Variants in DNAH6 observed in about 807,000 individuals in gnomAD.
DNAH6 encodes the protein dynein axonemal heavy chain 6, also known as axonemal beta dynein heavy chain 6.
Under a neutral mutation model 491.4 loss-of-function variants are expected in DNAH6, and 340 were observed. That is an observed-to-expected ratio of 0.69 (90% confidence interval 0.63 to 0.76). The LOEUF is 0.76. Among genes scored for constraint, DNAH6 ranks in the 30% least tolerant of loss-of-function variants. DNAH6 has a pLI of 0.00. For missense variants in DNAH6, 4,443 were observed against 4,972.2 expected, an observed-to-expected ratio of 0.89 and a Z score of 3.20; for synonymous variants, 1,603 against 1,686.1, an observed-to-expected ratio of 0.95 and a Z score of 1.21.
chr2:84,527,196 A>G (rs1342672673), intron 3 of DNAH6, among the ~76,000 whole-genome samples: 3 of 152,158 alleles, frequency 2.0e-5, no homozygotes, highest in Admixed American at 2.0e-4. Flanking sequence ...TCTGTTAATT[A>G]AGGAAGAAAT....
the DNAH6 span, among the ~76,000 whole-genome samples, chr2:84,505,060 G>A: frequency 8.5e-5 from 13 of 152,126 alleles, no homozygotes; most frequent in Non-Finnish European, 2.9e-5. Context: ...TTCAGCATGA[G>A]TCTTGCATGT....
At chr2:84,665,092 T>G (rs951554598) in intron 37 of DNAH6, among the ~76,000 whole-genome samples, 2 of 151,904 alleles carry the variant, frequency 1.3e-5, no homozygotes, top group African/African-American at 4.8e-5. Flanking sequence ...GGGACACATT[T>G]AAAGCAGTGT....
rs1294405239 is a variant in DNAH6 at position 84,812,521 on chromosome 2, G to T, written c.11920G>T (p.Val3974Leu). 3.2e-6 allele frequency: 5 copies of T among 1,546,424 alleles called. No individual in the cohort carries two copies. In the South Asian group the frequency reaches 6.1e-5, roughly 19 times the overall value. ...VKDLILRTSFVDLWLKRGQPK... is the reference protein window; with the variant it reads ...VKDLILRTSFLDLWLKRGQPK... ...AGACCTTATCCTGAGGACCTCATTT[G>T]TGGATGTAAGAAAATTCCTTTCACT... The change falls in exon 73 of 77, where the codon GTG becomes TTG. Residue 3974 changes from valine (V) to leucine (L), a missense_variant. By Grantham distance (32) the Val-to-Leu change is conservative. Transcript: ENST00000389394.
At chr2:84,601,992 A>T (rs767713568) in intron 18 of DNAH6, among the ~76,000 whole-genome samples, 30 of 152,024 alleles carry the variant, frequency 2.0e-4, no homozygotes, top group Non-Finnish European at 4.0e-4. Context: ...TACTGTAAAG[A>T]CCTTATAATA....
chr2:84,547,432 C>T, intron 6 of DNAH6, 30 bp downstream of exon 6: 10 of 1,551,326 alleles, frequency 6.4e-6, no homozygotes, highest in Non-Finnish European at 8.7e-6. Context: ...AGAATCAAAG[C>T]TTTTTTCCCT....
chr2:84,693,238 T>C (rs1273052678), intron 45 of DNAH6, among the ~76,000 whole-genome samples: 2 of 152,188 alleles, frequency 1.3e-5, no homozygotes, highest in African/African-American at 2.4e-5. Flanking sequence ...AAGATTGCTA[T>C]CTTTTTTCTG....
rs1304818688 is a variant in DNAH6 at position 84,637,228 on chromosome 2, G to A, written c.4672G>A (p.Glu1558Lys). 1.5e-5 allele frequency: 23 copies of A among 1,546,622 alleles called. No individual in the cohort carries two copies. Among genetic ancestry groups the A allele is most frequent in the Middle Eastern group, 1.7e-4 (1 of 5,990 alleles). ...KAAKLSRFMFEGREIKLVMTC... is the reference protein window; with the variant it reads ...KAAKLSRFMFKGREIKLVMTC... ...CGAACAGCTCTCTAGATTCATGTTT[G>A]AGGGGCGGGAAATAAAGTTGGTGAT... Residue 1558 changes from glutamate (E) to lysine (K), a missense_variant, in exon 31 of 77, where the codon GAG becomes AAG. Coordinates refer to ENST00000389394, the MANE Select transcript of DNAH6 (RefSeq NM_001370.2).
rs539636551 is a variant in DNAH6 at position 84,686,967 on chromosome 2, G to A, written c.7137+410G>A. 6.6e-5 allele frequency among the ~76,000 whole-genome samples: 10 copies of A among 152,308 alleles called. No individual in the cohort carries two copies. In the South Asian group the frequency reaches 2.1e-3, roughly 32 times the overall value. On this transcript the variant is annotated intron_variant, in intron 44 of 76. Coordinates refer to ENST00000389394, the MANE Select transcript of DNAH6 (RefSeq NM_001370.2). The stretch of plus-strand genomic sequence containing the variant: ...CAGGTATTCAGTTTGGAAGGAAGCG[G>A]AGAGGTCTAGTCTTTTAACTCAGGA...
rs1693767700 is a variant in DNAH6, at chr2:84,681,472, C to T, written c.6860C>T (p.Thr2287Ile). 6.4e-7 allele frequency: 1 copy of T among 1,551,392 alleles called. No individual in the cohort carries two copies. The highest frequency in any genetic ancestry group is 8.7e-7 in the Non-Finnish European group (1 of 1,146,852). ...AAAATGAGTGTTGACCTCCTGCCAA[C>T]ACCCGCCAAGTCCCATTATGTCTTT... ...YNKMSVDLLP[T>I]PAKSHYVFNL... Residue 2287 changes from threonine to isoleucine, a missense_variant, in exon 42 of 77, where the codon ACA (threonine) becomes ATA (isoleucine). Thr to Ile is a moderately conservative substitution (Grantham distance 89, BLOSUM62 -1). Transcript: ENST00000389394.
chr2:84,699,663 G>A lies in DNAH6; in HGVS notation c.7747G>A (p.Glu2583Lys), dbSNP rs1021190753. 1 of 1,551,802 alleles carries A rather than the reference G, an allele frequency of 6.4e-7. No individual in the cohort carries two copies. The highest frequency in any genetic ancestry group is 8.7e-7 in the Non-Finnish European group (1 of 1,146,992). Residue 2583 changes from glutamate to lysine, a missense_variant, in exon 48 of 77, where the codon GAG (glutamate) becomes AAG (lysine). By Grantham distance (56) the Glu-to-Lys change is moderately conservative. Transcript: ENST00000389394. ...HIVLCMSPVG[E>K]AFRSRCRMFP... Reference sequence around the variant, plus strand: ...TGTTCTCTGCATGAGCCCAGTTGGGGAGGCCTTTCGGTCCCGATGCAGGAT... The same window carrying A: ...TGTTCTCTGCATGAGCCCAGTTGGGAAGGCCTTTCGGTCCCGATGCAGGAT...
intron 56 of DNAH6, 63 bp from the exon 57 acceptor site, chr2:84,713,032 A>G: frequency 7.0e-7 from 1 of 1,419,082 alleles, no homozygotes; most frequent in Non-Finnish European, 9.5e-7. Context: ...AATTTTGTGA[A>G]GTTCATGCTA....
At chr2:84,779,478 C>G (rs2105215127) in intron 64 of DNAH6, among the ~76,000 whole-genome samples, 1 of 152,276 alleles carries the variant, frequency 6.6e-6, no homozygotes. Flanking sequence ...CTCTTGTTTT[C>G]CTTTTGCATG....
intron 64 of DNAH6, chr2:84,777,827 TC>T: frequency 8.5e-7 from 1 of 1,179,560 alleles, no homozygotes; most frequent in Non-Finnish European, 1.3e-6. Context: ...GGTCAAGATA[TC>T]CACTGGATTT....
chr2:84,646,089 T>A (rs1402966567), intron 33 of DNAH6, among the ~76,000 whole-genome samples: 1 of 152,226 alleles, frequency 6.6e-6, no homozygotes, highest in Non-Finnish European at 1.5e-5. Context: ...GTGTTCACCA[T>A]GTGTATATGT....
chr2:84,658,604 G>A (rs916355366), intron 36 of DNAH6, 130 bp downstream of exon 36: 12 of 607,118 alleles, frequency 2.0e-5, no homozygotes, highest in Admixed American at 3.6e-5. Flanking sequence ...GGGACTAATA[G>A]CTATGATGTC....
At chr2:84,511,629 T>C (rs1454387749), upstream of DNAH6, among the ~76,000 whole-genome samples, 1 of 152,168 alleles carries the variant, frequency 6.6e-6, no homozygotes, top group African/African-American at 2.4e-5. Context: ...AGTACCTCAG[T>C]TGGAAATGCA....
In DNAH6 at chr2:84,694,417, G is replaced by A. The variant is rs1189000209; in HGVS notation, c.7461G>A (p.Arg2487=). The A allele has an allele frequency of 1.2e-5, 18 of 1,552,138 alleles. No homozygotes were observed. The highest frequency in any genetic ancestry group is 1.7e-6 in the Non-Finnish European group (2 of 1,147,122). Residue 2487 remains arginine (R), a synonymous_variant, in exon 46 of 77, where the codon AGG becomes AGA. Coordinates refer to ENST00000389394, the MANE Select transcript of DNAH6 (RefSeq NM_001370.2). ...ATGATAGTTTTCATGAAGACCTGAG[G>A]AAGTTGTACAAAATGGCTGGTGTAG... The part of the protein sequence containing the change: ...YNYDSFHEDL[R]KLYKMAGVED...
intron 2 of DNAH6, among the ~76,000 whole-genome samples, chr2:84,521,208 G>A (rs149451980): frequency 0.016 from 2,349 of 151,222 alleles, 36 homozygotes; most frequent in Middle Eastern, 0.088. Flanking sequence ...TTTGATTTGC[G>A]TTTCTCTAAT....
chr2:84,541,720 A>G (rs1385072167), intron 4 of DNAH6, among the ~76,000 whole-genome samples: 1 of 152,210 alleles, frequency 6.6e-6, no homozygotes, highest in East Asian at 1.9e-4. Flanking sequence ...GGGGGAAAAA[A>G]CATGGTATGT....
Sources: allele counts gnomAD v4.1 joint callset (sites outside exome capture counted in the v4.1 genomes callset), GRCh38; gene constraint gnomAD v4.1.1; transcripts MANE v1.5; gene names NCBI Gene and HGNC (gene_info 2026-07-23, HGNC 2026-07-21).